ADAMTSL1: variants seen among roughly 807,000 people sequenced by gnomAD.
ADAMTSL1 encodes ADAMTS-like protein 1.
A neutral mutation model predicts 201.8 loss-of-function variants in ADAMTSL1; 126 were observed. The observed-to-expected ratio is 0.62, with a 90% CI of 0.54 to 0.72. The LOEUF (loss-of-function observed/expected upper bound fraction) is 0.72. ADAMTSL1 is among the 30% of genes least tolerant of loss of function. The probability of loss-of-function intolerance (pLI) is 0.00; values close to 1 mark genes in which losing one functional copy is unlikely to be tolerated. For synonymous variants in ADAMTSL1, 1,121 were observed against 903.4 expected, an observed-to-expected ratio of 1.24 and a Z score of -4.32; for missense variants, 2,679 against 2,277.8, an observed-to-expected ratio of 1.18 and a Z score of -3.59.
intron 15 of ADAMTSL1, among the ~76,000 whole-genome samples, chr9:18,743,972 G>A (rs1288768933): frequency 6.6e-6 from 1 of 152,176 alleles, no homozygotes; most frequent in Non-Finnish European, 1.5e-5. Context: ...CTTAGAGACT[G>A]AGCAGGGTAG....
At chr9:18,024,062 A>G (rs2131589300) in intron 1 of ADAMTSL1, among the ~76,000 whole-genome samples, 1 of 151,758 alleles carries the variant, frequency 6.6e-6, no homozygotes, top group Non-Finnish European at 1.5e-5. Flanking sequence ...ATCAGTTATC[A>G]TTTTGTATCT....
intron 2 of ADAMTSL1, among the ~76,000 whole-genome samples, chr9:18,287,481 A>C (rs1473775992): frequency 2.0e-5 from 3 of 151,512 alleles, no homozygotes; most frequent in Non-Finnish European, 4.4e-5. Context: ...GTATGTTCAG[A>C]TATGTAATGC....
intron 4 of ADAMTSL1, among the ~76,000 whole-genome samples, chr9:18,588,898 T>TACAC (rs1554710737): frequency 1.1e-4 from 15 of 136,276 alleles, no homozygotes; most frequent in Middle Eastern, 3.8e-3. Flanking sequence ...TATATATATA[T>TACAC]ATATACATAT....
chr9:18,755,288 T>C (rs1326802815), intron 16 of ADAMTSL1, among the ~76,000 whole-genome samples: 1 of 152,132 alleles, frequency 6.6e-6, no homozygotes, highest in Non-Finnish European at 1.5e-5. Context: ...CCAATCCTAA[T>C]AAAAGGTGAG....
intron 1 of ADAMTSL1, among the ~76,000 whole-genome samples, chr9:18,131,080 T>A (rs1336483876): frequency 1.3e-5 from 2 of 152,288 alleles, no homozygotes; most frequent in East Asian, 3.9e-4. Context: ...TGGCTCAATC[T>A]CTGCCATCCT....
At chr9:18,295,808 GAAT>G in intron 2 of ADAMTSL1, among the ~76,000 whole-genome samples, 1 of 152,180 alleles carries the variant, frequency 6.6e-6, no homozygotes, top group South Asian at 2.1e-4. Flanking sequence ...AATCTGTAAT[GAAT>G]TTTACACAAT....
chr9:18,007,506 C>T (rs928164635), intron 1 of ADAMTSL1, among the ~76,000 whole-genome samples: 2 of 151,924 alleles, frequency 1.3e-5, no homozygotes, highest in African/African-American at 2.4e-5. Context: ...GACTAAGAAA[C>T]ACTTTCCTCA....
intron 26 of ADAMTSL1, among the ~76,000 whole-genome samples, chr9:18,904,324 C>G (rs1017505942): frequency 4.0e-5 from 6 of 151,896 alleles, no homozygotes; most frequent in Non-Finnish European, 7.4e-5. Flanking sequence ...TAAAAATTAG[C>G]CGGGTGTGAT....
intron 23 of ADAMTSL1, among the ~76,000 whole-genome samples, chr9:18,835,484 AC>A (rs1198660876): frequency 6.6e-6 from 1 of 151,992 alleles, no homozygotes; most frequent in Non-Finnish European, 1.5e-5. Flanking sequence ...GGCTCAACTT[AC>A]CCTTTTCTTA....
intron 3 of ADAMTSL1, among the ~76,000 whole-genome samples, chr9:18,543,833 T>C (rs1266441727): frequency 1.3e-5 from 2 of 152,198 alleles, no homozygotes; most frequent in Non-Finnish European, 2.9e-5. Context: ...AGTTAGGCCT[T>C]CTGCTTTTCC....
intron 22 of ADAMTSL1, among the ~76,000 whole-genome samples, chr9:18,828,288 T>C (rs1824721990): frequency 6.6e-6 from 1 of 152,112 alleles, no homozygotes; most frequent in Non-Finnish European, 1.5e-5. Flanking sequence ...CTTTCAAAGC[T>C]GTAAGGACAT....
chr9:18,663,085 A>G (rs1400162204), intron 9 of ADAMTSL1, among the ~76,000 whole-genome samples: 1 of 152,188 alleles, frequency 6.6e-6, no homozygotes, highest in Non-Finnish European at 1.5e-5. Flanking sequence ...ATGTCGATGC[A>G]AATCATTCTA....
chr9:18,636,783 G>A (rs1446770340), intron 6 of ADAMTSL1, among the ~76,000 whole-genome samples: 3 of 152,144 alleles, frequency 2.0e-5, no homozygotes, highest in Non-Finnish European at 2.9e-5. Flanking sequence ...GGATATGGTA[G>A]CATTTTCTGT....
chr9:17,999,480 C>T (rs892934390), intron 1 of ADAMTSL1, among the ~76,000 whole-genome samples: 1 of 151,906 alleles, frequency 6.6e-6, no homozygotes, highest in Non-Finnish European at 1.5e-5. Context: ...GTTATACTTG[C>T]AATGAGAAAG....
intron 4 of ADAMTSL1, among the ~76,000 whole-genome samples, chr9:18,611,217 G>C (rs1040089294): frequency 9.8e-5 from 15 of 152,310 alleles, no homozygotes; most frequent in African/African-American, 2.6e-4. Flanking sequence ...AATGCCATGT[G>C]AAGTGAGGCC....
chr9:18,381,157 T>C (rs1837540268), intron 2 of ADAMTSL1, among the ~76,000 whole-genome samples: 1 of 152,228 alleles, frequency 6.6e-6, no homozygotes, highest in Non-Finnish European at 1.5e-5. Context: ...TTGGTTTAAA[T>C]AATGATGCTT....
intron 2 of ADAMTSL1, among the ~76,000 whole-genome samples, chr9:18,201,358 A>G (rs1424424009): frequency 1.3e-5 from 2 of 152,138 alleles, no homozygotes; most frequent in Non-Finnish European, 2.9e-5. Flanking sequence ...TTTGATTAAG[A>G]AGAGCATGCT....
At chr9:18,367,257 T>C (rs1028861685) in intron 2 of ADAMTSL1, among the ~76,000 whole-genome samples, 6 of 152,194 alleles carry the variant, frequency 3.9e-5, no homozygotes, top group African/African-American at 4.8e-5. Flanking sequence ...AAATCTAAGA[T>C]ACAATTCCCA....
At position 18,474,199 on chromosome 9, in the gene ADAMTSL1, A is replaced by G. The variant is rs754441702; in HGVS notation, c.-34A>G. The G allele has an allele frequency of 1.2e-6, 2 of 1,610,612 alleles. No homozygotes were observed. The highest frequency in any genetic ancestry group is 1.7e-6 in the Non-Finnish European group (2 of 1,177,066). ...CAGAGGAGCACTTAGCAGCTTATTC[A>G]GTGTCCGATTCTGATTCCGGCAAGG... On this transcript the variant is annotated 5_prime_UTR_variant, in exon 1 of 29. Coordinates refer to ENST00000380548, the MANE Select transcript of ADAMTSL1 (RefSeq NM_001040272.6).
Sources: gnomAD v4.1 joint callset for allele counts (sites outside exome capture counted in the v4.1 genomes callset) on GRCh38, gnomAD v4.1.1 for gene constraint, MANE v1.5 for transcripts, NCBI Gene and HGNC (gene_info 2026-07-23, HGNC 2026-07-21) for gene names.